DENND3: variants seen among roughly 807,000 people sequenced by gnomAD.
DENND3 encodes the protein DENN domain-containing protein 3.
In DENND3, 88 loss-of-function variants were observed where a neutral mutation model predicts 135.1. The ratio of observed to expected loss-of-function variants is 0.65; its 90% CI spans 0.55 to 0.78. The LOEUF (loss-of-function observed/expected upper bound fraction) is 0.78, where lower values mean the gene tolerates loss of function less well. DENND3 is among the 30% of genes least tolerant of loss of function. The pLI, the probability that DENND3 is intolerant of heterozygous loss-of-function variation, is 0.00. For synonymous variants in DENND3, 693 were observed against 712.3 expected (o/e 0.97, Z 0.43); for missense variants, 1,392 against 1,688.4 (o/e 0.82, Z 3.08).
Position 141,166,105 on chromosome 8 carries a change from C to A in DENND3, c.1554-85C>A. On this transcript the variant is annotated intron_variant, in intron 11 of 22. Transcript: ENST00000519811. The surrounding 1 kb of genome is among the most constrained non-coding windows in gnomAD (Gnocchi z 4.3). ...TCCAAGAGTGTCATGTGCTCTTCAT[C>A]ACACTGGGAAAAATGCTTAGTTTAG... 7.4e-7 allele frequency: 1 copy of A among 1,352,664 alleles called. No individual in the cohort carries two copies. Among genetic ancestry groups the A allele is most frequent in the Non-Finnish European group, 1.0e-6 (1 of 956,346 alleles). 83.8% of individuals were successfully genotyped at this position (1,352,664 alleles called of 1,614,324 possible).
intron 16 of DENND3, among the ~76,000 whole-genome samples, chr8:141,178,704 G>C (rs1044023607): frequency 6.6e-6 from 1 of 152,178 alleles, no homozygotes. Flanking sequence ...GTCAGGATCC[G>C]CTTTTTTCTT....
intron 8 of DENND3, among the ~76,000 whole-genome samples, chr8:141,158,542 C>T (rs1240940958): frequency 2.6e-5 from 4 of 152,204 alleles, no homozygotes; most frequent in Non-Finnish European, 4.4e-5. Flanking sequence ...CTTTTGTAAA[C>T]ACAAGCTAAT....
In DENND3 at chr8:141,194,113, G is replaced by C. The variant is rs771720958; in HGVS notation, c.3717G>C (p.Val1239=). ...IYVIDAERKT[V]EKELVAHMDT... is the part of the protein sequence containing the mutation. ...TGATTGACGCCGAGAGGAAGACCGTGGAGAAGGAGCTGGTGGCGCACATGG... is the reference window on the plus strand; with the variant it reads ...TGATTGACGCCGAGAGGAAGACCGTCGAGAAGGAGCTGGTGGCGCACATGG... The change falls in exon 23 of 23, where the codon GTG becomes GTC. Residue 1239 remains valine (V), a synonymous_variant. Coordinates refer to ENST00000519811, the MANE Select transcript of DENND3 (RefSeq NM_001352890.3). 4 of 1,614,002 alleles carry C rather than the reference G, an allele frequency of 2.5e-6. No homozygotes were observed. In the South Asian group the frequency reaches 3.3e-5, roughly 13 times the overall value.
In DENND3 at chr8:141,174,700, T is replaced by C. The variant is rs974962357; in HGVS notation, c.2276-500T>C. 6.6e-6 allele frequency among the ~76,000 whole-genome samples: 1 copy of C among 151,706 alleles called. No individual in the cohort carries two copies. The highest frequency in any genetic ancestry group is 1.5e-5 in the Non-Finnish European group (1 of 67,922). On this transcript the variant is annotated intron_variant, in intron 13 of 22. Coordinates refer to ENST00000519811, the MANE Select transcript of DENND3 (RefSeq NM_001352890.3). The surrounding 1 kb of genome is among the most constrained non-coding windows in gnomAD (Gnocchi z 4.6). ...CAATGATTTGCTGGTAACCAAAGAGTGTGGAGGTCGGGCCAGTTACAGGAG... is the reference window on the plus strand; with the variant it reads ...CAATGATTTGCTGGTAACCAAAGAGCGTGGAGGTCGGGCCAGTTACAGGAG...
rs1816960046 is a variant in DENND3 at position 141,137,884 on chromosome 8, T to G, written c.386-138T>G. On this transcript the variant is annotated intron_variant, in intron 2 of 22. Transcript: ENST00000519811. This position sits in a 1 kb window ranked among gnomAD's most constrained non-coding sequence, Gnocchi z 4.1. ...ACGGCCGGAGGCGTGATCGGAAGAATGAACCCGCCTTGGACATGAAGGCAC... is the reference window on the plus strand; with the variant it reads ...ACGGCCGGAGGCGTGATCGGAAGAAGGAACCCGCCTTGGACATGAAGGCAC... 2.6e-6 allele frequency: 2 copies of G among 777,980 alleles called. No homozygotes were observed. The allele number at this position is 777,980 out of a possible 1,614,324, so 48.2% of individuals were successfully genotyped here.
Position 141,194,728 on chromosome 8 carries a change from G to A in DENND3, c.*495G>A, listed in dbSNP as rs949894026. 6.2e-6 allele frequency: 1 copy of A among 160,074 alleles called. No homozygotes were observed. The highest frequency in any genetic ancestry group is 1.4e-5 in the Non-Finnish European group (1 of 72,060). 9.9% of individuals were successfully genotyped at this position (160,074 alleles called of 1,614,324 possible). ...AGCCCCGGGGCCTCCAGCGAGGCCT[G>A]AGAAGGGTGGTTCGGGTAACCACTG... On this transcript the variant is annotated 3_prime_UTR_variant, in exon 23 of 23. Coordinates refer to ENST00000519811, the MANE Select transcript of DENND3 (RefSeq NM_001352890.3).
At chr8:141,183,247 A>G (rs1823410915) in intron 17 of DENND3, among the ~76,000 whole-genome samples, 1 of 152,002 alleles carries the variant, frequency 6.6e-6, no homozygotes, top group Admixed American at 6.6e-5. Flanking sequence ...AAAAGCAATG[A>G]CTTTATTATT....
At chr8:141,184,264 A>G (rs1823592725) in intron 17 of DENND3, among the ~76,000 whole-genome samples, 1 of 152,186 alleles carries the variant, frequency 6.6e-6, no homozygotes, top group Admixed American at 6.5e-5. Flanking sequence ...GTATTTTTAT[A>G]TGTCATACGT....
chr8:141,191,734 C>T (rs1215692886), intron 20 of DENND3: 2 of 152,616 alleles, frequency 1.3e-5, no homozygotes, highest in African/African-American at 2.4e-5. Context: ...CTGTTCCGCT[C>T]ACTTTCAGGG....
chr8:141,175,344 G>T lies in DENND3; in HGVS notation c.2420G>T (p.Ser807Ile). The T allele has an allele frequency of 6.2e-7, 1 of 1,614,212 alleles. No homozygotes were observed. Among genetic ancestry groups the T allele is most frequent in the Non-Finnish European group, 8.5e-7 (1 of 1,180,042 alleles). ...AACGAGTGTGTGTGTAAGTTGTCCAGCTCCGTCAAGACAAACCTAGGCGTT... is the reference window on the plus strand; with the variant it reads ...AACGAGTGTGTGTGTAAGTTGTCCATCTCCGTCAAGACAAACCTAGGCGTT... ...DKNECVCKLS[S>I]SVKTNLGVGK... Residue 807 changes from serine to isoleucine, a missense_variant, in exon 14 of 23, where the codon AGC (serine) becomes ATC (isoleucine). Coordinates refer to ENST00000519811, the MANE Select transcript of DENND3 (RefSeq NM_001352890.3). The surrounding 1 kb of genome is among the most constrained non-coding windows in gnomAD (Gnocchi z 5.4).
Position 141,144,090 on chromosome 8 carries a change from A to G in DENND3, c.624-58A>G. The G allele has an allele frequency of 6.9e-7, 1 of 1,449,322 alleles. No homozygotes were observed. Among genetic ancestry groups the G allele is most frequent in the South Asian group, 1.2e-5 (1 of 83,882 alleles). 89.8% of individuals were successfully genotyped at this position (1,449,322 alleles called of 1,614,324 possible). On this transcript the variant is annotated intron_variant, in intron 4 of 22. Coordinates refer to ENST00000519811, the MANE Select transcript of DENND3 (RefSeq NM_001352890.3). The surrounding 1 kb of genome is among the most constrained non-coding windows in gnomAD (Gnocchi z 4.4). ...TCCAGTGTGATTAGAAACGCTAACG[A>G]TGACAACTGCGTTCTCATCTTTATT...
rs1026641348 is a variant in DENND3, at chr8:141,137,093, C to T, written c.385+302C>T. Reference sequence around the variant, plus strand: ...CTCCTGGGTTCAAGTGATTCTTCTGCGTCAGCCTCTCAAGTAGCTGGGATT... The same window carrying T: ...CTCCTGGGTTCAAGTGATTCTTCTGTGTCAGCCTCTCAAGTAGCTGGGATT... On this transcript the variant is annotated intron_variant, in intron 2 of 22. Transcript: ENST00000519811. This position sits in a 1 kb window ranked among gnomAD's most constrained non-coding sequence, Gnocchi z 4.1. Among the ~76,000 whole-genome samples the T allele has an allele frequency of 7.9e-5, 12 of 152,124 alleles. No homozygotes were observed. The highest frequency in any genetic ancestry group is 1.7e-4 in the African/African-American group (7 of 41,420).
chr8:141,187,683 A>G (rs1165266543), intron 18 of DENND3, among the ~76,000 whole-genome samples: 1 of 152,170 alleles, frequency 6.6e-6, no homozygotes, highest in Non-Finnish European at 1.5e-5. Context: ...CCTGAATAGC[A>G]AACTTTACAT....
intron 1 of DENND3, 93 bp from the exon 2 acceptor site, chr8:141,136,416 A>T: frequency 7.7e-7 from 1 of 1,304,700 alleles, no homozygotes; most frequent in Non-Finnish European, 1.0e-6. Flanking sequence ...CACCGAGGGG[A>T]GGAGAAAAAC....
At position 141,151,813 on chromosome 8, in the gene DENND3, C is replaced by A; in HGVS notation, c.1050C>A (p.Leu350=). 6.2e-7 allele frequency: 1 copy of A among 1,614,188 alleles called. No homozygotes were observed. Among genetic ancestry groups the A allele is most frequent in the South Asian group, 1.1e-5 (1 of 91,072 alleles). Residue 350 remains leucine (L), a synonymous_variant, in exon 7 of 23, where the codon CTC becomes CTA. Transcript: ENST00000519811. ...APTSFLMGCH[L]DHFEEVSKEA... The stretch of plus-strand genomic sequence containing the variant: ...CGTCCTTCCTGATGGGCTGCCATCT[C>A]GACCACTTCGAAGAAGTCAGCAAGG...
chr8:141,181,201 C>T (rs1695664901), intron 17 of DENND3, among the ~76,000 whole-genome samples: 1 of 152,156 alleles, frequency 6.6e-6, no homozygotes, highest in Admixed American at 6.5e-5. Context: ...GCTCTGTCAC[C>T]CAGGCTGGAG....
Position 141,175,362 on chromosome 8 carries a change from T to C in DENND3, c.2438T>C (p.Leu813Pro). The change falls in exon 14 of 23, where the codon CTA becomes CCA. Residue 813 changes from leucine (L) to proline (P), a missense_variant. Coordinates refer to ENST00000519811, the MANE Select transcript of DENND3 (RefSeq NM_001352890.3). This position sits in a 1 kb window ranked among gnomAD's most constrained non-coding sequence, Gnocchi z 5.4. ...CKLSSSVKTN[L>P]GVGKIAMTQK... ...TTGTCCAGCTCCGTCAAGACAAACC[T>C]AGGCGTTGGCAAGATCGCCATGACC... is the stretch of plus-strand genomic sequence containing the variant. 1 of 1,614,200 alleles carries C rather than the reference T, an allele frequency of 6.2e-7. No individual in the cohort carries two copies. Among genetic ancestry groups the C allele is most frequent in the Non-Finnish European group, 8.5e-7 (1 of 1,180,036 alleles).
Position 141,166,255 on chromosome 8 carries a change from C to T in DENND3, c.1619C>T (p.Ser540Leu), listed in dbSNP as rs770857480. Residue 540 changes from serine to leucine, a missense_variant, in exon 12 of 23, where the codon TCG (serine) becomes TTG (leucine). Transcript: ENST00000519811. This position sits in a 1 kb window ranked among gnomAD's most constrained non-coding sequence, Gnocchi z 4.3. ...GAGAAAAGAGCCTCCCGGAAGTCCT[C>T]GCACCTGCATGTCACCCACAGGCGC... ...TVEKRASRKSSHLHVTHRRMV... is the reference protein window; with the variant it reads ...TVEKRASRKSLHLHVTHRRMV... 1.1e-5 allele frequency: 17 copies of T among 1,614,052 alleles called. No homozygotes were observed. Among genetic ancestry groups the T allele is most frequent in the Middle Eastern group, 1.6e-4 (1 of 6,084 alleles).
In DENND3 at chr8:141,168,307, C is replaced by T. The variant is rs550117747; in HGVS notation, c.2057C>T (p.Pro686Leu). 6.2e-7 allele frequency: 1 copy of T among 1,614,058 alleles called. No individual in the cohort carries two copies. Among genetic ancestry groups the T allele is most frequent in the South Asian group, 1.1e-5 (1 of 91,086 alleles). Residue 686 changes from proline to leucine, a missense_variant, in exon 13 of 23, where the codon CCT becomes CTT. Coordinates refer to ENST00000519811, the MANE Select transcript of DENND3 (RefSeq NM_001352890.3). The surrounding 1 kb of genome is among the most constrained non-coding windows in gnomAD (Gnocchi z 6.2). ...AGGACGGTGGAATCCATGTCTGCCC[C>T]TGAGTGGGAGGGGGCTGAGCAGGCG... ...VKRTVESMSAPEWEGAEQAPE... is the reference protein window; with the variant it reads ...VKRTVESMSALEWEGAEQAPE...
Sources: allele counts gnomAD v4.1 joint callset (sites outside exome capture counted in the v4.1 genomes callset), GRCh38; gene constraint gnomAD v4.1.1; non-coding constraint Gnocchi (gnomAD v3.1); transcripts MANE v1.5; gene names NCBI Gene and HGNC (gene_info 2026-07-23, HGNC 2026-07-21).